HDX: variants seen among roughly 807,000 people sequenced by gnomAD.
HDX encodes the protein chromosome X open reading frame 43.
In HDX, 19 loss-of-function variants were observed where a neutral mutation model predicts 45.2. That is an observed-to-expected ratio of 0.42 (90% confidence interval 0.29 to 0.62). The LOEUF is 0.62. HDX is among the 20% of genes least tolerant of loss of function. The pLI is 0.20. For missense variants in HDX, 532 were observed against 493.9 expected, an observed-to-expected ratio of 1.08 and a Z score of -0.73; for synonymous variants, 188 against 172.8, an observed-to-expected ratio of 1.09 and a Z score of -0.69.
rs139251371 is a variant in HDX at position 84,489,514 on chromosome X, C to T, written c.-109-1382G>A. ...TAGAACAAACATTGGTATTCCACTC[C>T]CAGGTCAGTCTGTCAATTTTTGTGT... On this transcript the variant is annotated intron_variant, in intron 1 of 10. Transcript: ENST00000373177. Among the ~76,000 whole-genome samples, 507 of 111,654 alleles carry T rather than the reference C, an allele frequency of 4.5e-3. 1 individual carries two copies. The highest frequency in any genetic ancestry group is 7.9e-3 in the Non-Finnish European group (417 of 53,027).
At chrX:84,371,315 G>T (rs1223456343) in intron 5 of HDX, among the ~76,000 whole-genome samples, 1 of 111,912 alleles carries the variant, frequency 8.9e-6, no homozygotes, top group Non-Finnish European at 1.9e-5. Context: ...GATTAAATGA[G>T]AAAACACATG....
chrX:84,390,341 A>C (rs5968309), intron 5 of HDX, among the ~76,000 whole-genome samples: 10,558 of 111,498 alleles, frequency 0.095, 748 homozygotes, highest in African/African-American at 0.24. Context: ...TTTACTAGTA[A>C]ATTTTTAAGA....
intron 4 of HDX, among the ~76,000 whole-genome samples, chrX:84,444,869 C>T (rs931544814): frequency 9.0e-6 from 1 of 111,240 alleles, no homozygotes; most frequent in African/African-American, 3.3e-5. Context: ...CATGGTTGTA[C>T]ATTCATAAGA....
Position 84,344,449 on chromosome X carries a change from A to G in HDX, c.1461T>C (p.Ile487=). 1 of 1,190,105 alleles carries G rather than the reference A, an allele frequency of 8.4e-7. No homozygotes were observed. Among genetic ancestry groups the G allele is most frequent in the Non-Finnish European group, 1.1e-6 (1 of 876,681 alleles). ...NVDCEIVRTW[I]GNRRRKYRLM... The stretch of plus-strand genomic sequence containing the variant: ...AACGATATTTCCTTCTTCGATTCCC[A>G]ATCCAAGTCTTTATAAGAGAAATAT... The change falls in exon 7 of 11, where the codon ATT becomes ATC. Residue 487 remains isoleucine (I), a synonymous_variant. Coordinates refer to ENST00000373177, the MANE Select transcript of HDX (RefSeq NM_001177479.2).
intron 4 of HDX, among the ~76,000 whole-genome samples, chrX:84,443,050 A>C (rs766121181): frequency 1.4e-4 from 15 of 110,569 alleles, no homozygotes; most frequent in Non-Finnish European, 2.5e-4. Flanking sequence ...TATAAATTCC[A>C]TCTGATTTTG....
chrX:84,440,058 T>C (rs2039727946), intron 5 of HDX: 1 of 111,728 alleles, frequency 9.0e-6, no homozygotes, highest in Non-Finnish European at 1.9e-5. Flanking sequence ...GAAGTTCTGT[T>C]ATACTGACAT....
At chrX:84,435,056 A>T (rs1458734911) in intron 5 of HDX, among the ~76,000 whole-genome samples, 1 of 109,824 alleles carries the variant, frequency 9.1e-6, no homozygotes, top group African/African-American at 3.3e-5. Context: ...GGTCTTCTCT[A>T]TTTCTTTCTT....
intron 5 of HDX, among the ~76,000 whole-genome samples, chrX:84,366,512 C>T (rs147071035): frequency 0.11 from 12,212 of 111,144 alleles, 626 homozygotes; most frequent in East Asian, 0.27. Context: ...CAAAAAAGAG[C>T]GCATGTAGCC....
At chrX:84,366,619 T>A (rs143856395) in intron 5 of HDX, among the ~76,000 whole-genome samples, 12,144 of 111,138 alleles carry the variant, frequency 0.11, 628 homozygotes, top group East Asian at 0.27. Context: ...AGCATGGTAC[T>A]GGTACCAAAA....
chrX:84,481,141 T>C (rs1370914466), intron 2 of HDX, among the ~76,000 whole-genome samples: 3 of 111,405 alleles, frequency 2.7e-5, no homozygotes, highest in Non-Finnish European at 5.7e-5. Flanking sequence ...TAGTTCATTG[T>C]TTATTATTAT....
At chrX:84,432,234 G>A (rs905227861) in intron 5 of HDX, among the ~76,000 whole-genome samples, 1 of 111,565 alleles carries the variant, frequency 9.0e-6, no homozygotes, top group Admixed American at 9.5e-5. Flanking sequence ...TTTGCTTATT[G>A]TAGTCTTCTA....
intron 6 of HDX, among the ~76,000 whole-genome samples, chrX:84,352,983 A>AT (rs2037395250): frequency 9.0e-6 from 1 of 111,547 alleles, no homozygotes; most frequent in Non-Finnish European, 1.9e-5. Context: ...AGAAAAAAAA[A>AT]GCAGAAACGA....
At chrX:84,498,555 A>G (rs1179126460) in intron 1 of HDX, among the ~76,000 whole-genome samples, 2 of 111,948 alleles carry the variant, frequency 1.8e-5, no homozygotes, top group African/African-American at 6.5e-5. Context: ...ATAAAAATCA[A>G]CAATTCAAAT....
intron 5 of HDX, among the ~76,000 whole-genome samples, chrX:84,433,261 T>C (rs190884092): frequency 1.2e-3 from 132 of 111,980 alleles, no homozygotes; most frequent in Admixed American, 3.7e-3. Context: ...TTGTTCTATT[T>C]GTTGGGAAAA....
chrX:84,437,512 A>G (rs1160641344), intron 5 of HDX, among the ~76,000 whole-genome samples: 1 of 111,250 alleles, frequency 9.0e-6, no homozygotes, highest in Admixed American at 9.6e-5. Flanking sequence ...CTATGGTTCC[A>G]ATAATAGTTC....
intron 5 of HDX, among the ~76,000 whole-genome samples, chrX:84,398,246 G>A (rs916640860): frequency 9.0e-6 from 1 of 111,031 alleles, no homozygotes; most frequent in Non-Finnish European, 1.9e-5. Flanking sequence ...AAATGTAAAT[G>A]GGCCAAATGC....
chrX:84,423,463 C>T (rs1323398451), intron 5 of HDX, among the ~76,000 whole-genome samples: 1 of 83,500 alleles, frequency 1.2e-5, no homozygotes, highest in African/African-American at 4.8e-5. Flanking sequence ...ACCCTGATAA[C>T]CAAAACTAGA....
At chrX:84,393,086 A>G (rs937973955) in intron 5 of HDX, among the ~76,000 whole-genome samples, 3 of 111,535 alleles carry the variant, frequency 2.7e-5, no homozygotes, top group Non-Finnish European at 3.8e-5. Flanking sequence ...CAAATGTGGC[A>G]TCCTTGTATT....
intron 7 of HDX, among the ~76,000 whole-genome samples, chrX:84,338,537 T>C (rs982098809): frequency 1.3e-4 from 14 of 110,878 alleles, no homozygotes; most frequent in Non-Finnish European, 2.3e-4. Context: ...TGTTGCATAT[T>C]AGATCTTTTG....
Sources: allele counts gnomAD v4.1 joint callset (sites outside exome capture counted in the v4.1 genomes callset), GRCh38; gene constraint gnomAD v4.1.1; transcripts MANE v1.5; gene names NCBI Gene and HGNC (gene_info 2026-07-23, HGNC 2026-07-21).